The following ZNF804B variants were observed in gnomAD, a reference collection of about 807,000 sequenced individuals.
ZNF804B encodes the protein zinc finger protein 804B.
In ZNF804B, 80 loss-of-function variants were observed where a neutral mutation model predicts 101.4. That is an observed-to-expected ratio of 0.79 (90% CI 0.66 to 0.95). The LOEUF (loss-of-function observed/expected upper bound fraction) is 0.95, where lower values mean the gene tolerates loss of function less well. ZNF804B is among the 40% of genes least tolerant of loss of function. ZNF804B has a pLI of 0.00. For synonymous variants in ZNF804B, 622 were observed against 558.8 expected, an observed-to-expected ratio of 1.11 and a Z score of -1.59; for missense variants, 1,673 against 1,561.9, an observed-to-expected ratio of 1.07 and a Z score of -1.20.
rs749824159 is a variant in ZNF804B, at chr7:89,335,851, G to A, written c.2869G>A (p.Ala957Thr). 8 of 1,613,930 alleles carry A rather than the reference G, an allele frequency of 5.0e-6. No individual in the cohort carries two copies. In the African/African-American group the frequency reaches 8.0e-5, roughly 16 times the overall value. Residue 957 changes from alanine to threonine, a missense_variant, in exon 4 of 4, where the codon GCT (alanine) becomes ACT (threonine). By Grantham distance (58) the Ala-to-Thr change is moderately conservative (BLOSUM62 0). Coordinates refer to ENST00000333190, the MANE Select transcript of ZNF804B (RefSeq NM_181646.5). ...SSNSCKSELE[A>T]PSQVPCTIQL... is the part of the protein sequence containing the mutation. ...AAACAGTTGTAAAAGTGAATTAGAG[G>A]CTCCTTCGCAAGTCCCATGCACAAT...
intron 1 of ZNF804B, among the ~76,000 whole-genome samples, chr7:89,213,212 T>C (rs192649706): frequency 1.3e-5 from 2 of 152,236 alleles, no homozygotes; most frequent in Admixed American, 1.3e-4. Flanking sequence ...AGAAAGATGA[T>C]GGATGCCAAA....
intron 1 of ZNF804B, among the ~76,000 whole-genome samples, chr7:88,859,248 G>T (rs962087674): frequency 6.6e-6 from 1 of 151,782 alleles, no homozygotes; most frequent in Non-Finnish European, 1.5e-5. Context: ...TAGGTGTAGT[G>T]TTTTGTCTAT....
intron 2 of ZNF804B, among the ~76,000 whole-genome samples, chr7:89,314,739 G>T (rs779317991): frequency 3.3e-5 from 5 of 152,166 alleles, no homozygotes; most frequent in Non-Finnish European, 7.4e-5. Context: ...GTAAGTGACA[G>T]AAACAAAATA....
At chr7:88,774,257 G>A (rs1293680776) in intron 1 of ZNF804B, among the ~76,000 whole-genome samples, 2 of 150,932 alleles carry the variant, frequency 1.3e-5, no homozygotes, top group Non-Finnish European at 2.9e-5. Flanking sequence ...AGTGACGAAG[G>A]GGATTACAGC....
chr7:89,067,055 T>C (rs1282842221), intron 1 of ZNF804B, among the ~76,000 whole-genome samples: 5 of 152,260 alleles, frequency 3.3e-5, no homozygotes, highest in Admixed American at 2.6e-4. Context: ...TCTCATAAAA[T>C]TGGGATCCAA....
At chr7:88,986,310 T>C (rs563028158) in intron 1 of ZNF804B, among the ~76,000 whole-genome samples, 9 of 152,224 alleles carry the variant, frequency 5.9e-5, no homozygotes, top group African/African-American at 2.2e-4. Context: ...TTGTTACTTT[T>C]AACAATTATG....
chr7:89,019,663 G>T (rs1179502998), intron 1 of ZNF804B, among the ~76,000 whole-genome samples: 1 of 151,906 alleles, frequency 6.6e-6, no homozygotes, highest in Non-Finnish European at 1.5e-5. Flanking sequence ...ACCCTCCAAT[G>T]TTAGATACAT....
chr7:89,199,015 G>C (rs1482066437), intron 1 of ZNF804B, among the ~76,000 whole-genome samples: 1 of 151,878 alleles, frequency 6.6e-6, no homozygotes, highest in Non-Finnish European at 1.5e-5. Context: ...AAAAGGCCAT[G>C]ATTAAGTGTC....
chr7:88,796,691 C>G (rs1244578463), intron 1 of ZNF804B, among the ~76,000 whole-genome samples: 3 of 152,158 alleles, frequency 2.0e-5, no homozygotes, highest in Non-Finnish European at 4.4e-5. Flanking sequence ...GCTCTGCGCT[C>G]ATGATGTGGT....
intron 1 of ZNF804B, among the ~76,000 whole-genome samples, chr7:89,133,558 C>T (rs2116382925): frequency 6.6e-6 from 1 of 152,134 alleles, no homozygotes; most frequent in South Asian, 2.1e-4. Flanking sequence ...TATTGCATTT[C>T]ACTTGCCCCA....
intron 1 of ZNF804B, among the ~76,000 whole-genome samples, chr7:88,854,414 C>CCTTCCTTTCTTT (rs1232481883): frequency 1.8e-4 from 10 of 57,072 alleles, no homozygotes; most frequent in Non-Finnish European, 2.5e-4. Context: ...TTTCTTTCTT[C>CCTTCCTTTCTTT]CTTTCTTTCT....
intron 1 of ZNF804B, among the ~76,000 whole-genome samples, chr7:89,022,287 A>G (rs998888913): frequency 2.0e-5 from 3 of 152,140 alleles, no homozygotes; most frequent in African/African-American, 4.8e-5. Flanking sequence ...GGGGAGGATG[A>G]GTGTCATGTG....
intron 2 of ZNF804B, among the ~76,000 whole-genome samples, chr7:89,262,045 T>A (rs73399156): frequency 0.016 from 2,387 of 152,322 alleles, 60 homozygotes; most frequent in African/African-American, 0.054. Flanking sequence ...TCTACCTTAA[T>A]GAACTCTAAT....
intron 1 of ZNF804B, among the ~76,000 whole-genome samples, chr7:88,996,149 T>C (rs1788192320): frequency 6.6e-6 from 1 of 152,058 alleles, no homozygotes; most frequent in South Asian, 2.1e-4. Flanking sequence ...ATTAATTTCA[T>C]TGCAAATGTA....
chr7:88,889,806 T>G (rs968667380), intron 1 of ZNF804B, among the ~76,000 whole-genome samples: 1 of 152,200 alleles, frequency 6.6e-6, no homozygotes, highest in African/African-American at 2.4e-5. Context: ...CGATTTTTAT[T>G]TTTGTTGCAA....
intron 2 of ZNF804B, among the ~76,000 whole-genome samples, chr7:89,286,685 A>G (rs1161196013): frequency 1.3e-5 from 2 of 152,230 alleles, no homozygotes; most frequent in African/African-American, 4.8e-5. Flanking sequence ...AAGACATAGA[A>G]GAAGCAGTGC....
intron 1 of ZNF804B, among the ~76,000 whole-genome samples, chr7:88,802,062 T>C (rs1409377131): frequency 2.0e-5 from 3 of 152,052 alleles, no homozygotes; most frequent in African/African-American, 7.2e-5. Context: ...GAGGGAATTC[T>C]CAGGAAATCT....
rs1306243972 is a variant in ZNF804B, at chr7:89,220,728, T to C, written c.249+2433T>C. ...TGCTCTTGTTACCTTAGTGGTCTTA[T>C]AAATGATTTGTAAATTTGAGTTCAT... On this transcript the variant is annotated intron_variant, in intron 2 of 3. Transcript: ENST00000333190. 2.6e-5 allele frequency among the ~76,000 whole-genome samples: 4 copies of C among 152,150 alleles called. No individual in the cohort carries two copies. In the East Asian group the frequency reaches 7.7e-4, roughly 29 times the overall value.
intron 1 of ZNF804B, among the ~76,000 whole-genome samples, chr7:89,034,027 A>G (rs1236876763): frequency 2.6e-5 from 4 of 152,048 alleles, no homozygotes; most frequent in African/African-American, 9.7e-5. Flanking sequence ...ATAATTTTTT[A>G]GGTCTAATTG....
Sources: allele counts gnomAD v4.1 joint callset (sites outside exome capture counted in the v4.1 genomes callset), GRCh38; gene constraint gnomAD v4.1.1; transcripts MANE v1.5; gene names NCBI Gene and HGNC (gene_info 2026-07-23, HGNC 2026-07-21).